CHN2: variants seen among roughly 807,000 people sequenced by gnomAD.
The protein encoded by CHN2 is beta-chimaerin.
A neutral mutation model predicts 56.3 loss-of-function variants in CHN2; 35 were observed. The observed-to-expected ratio is 0.62, with a 90% CI of 0.47 to 0.82. CHN2 has a LOEUF of 0.82. Ranked by LOEUF, CHN2 falls within the 40% of genes least tolerant of loss-of-function variation. The pLI is 0.00. For missense variants in CHN2, 491 were observed against 580.5 expected (o/e 0.85, Z 1.58); for synonymous variants, 210 against 212.8 (o/e 0.99, Z 0.12).
intron 1 of CHN2, among the ~76,000 whole-genome samples, chr7:29,293,689 C>T (rs1214204794): frequency 1.3e-5 from 2 of 152,116 alleles, no homozygotes; most frequent in South Asian, 2.1e-4. Flanking sequence ...CATGGCTCTC[C>T]GTCCCTCTGT....
intron 6 of CHN2, among the ~76,000 whole-genome samples, chr7:29,409,364 A>G (rs1802974547): frequency 6.6e-6 from 1 of 152,258 alleles, no homozygotes; most frequent in African/African-American, 2.4e-5. Context: ...TTCTTTCAAC[A>G]TAATAGTAAT....
intron 1 of CHN2, among the ~76,000 whole-genome samples, chr7:29,274,410 C>T (rs1194800419): frequency 6.6e-6 from 1 of 152,226 alleles, no homozygotes; most frequent in South Asian, 2.1e-4. Flanking sequence ...GTTTCCAGTA[C>T]CCAAGGGCAG....
chr7:29,476,742 G>A (rs535007985), intron 6 of CHN2, among the ~76,000 whole-genome samples: 1 of 151,934 alleles, frequency 6.6e-6, no homozygotes, highest in Non-Finnish European at 1.5e-5. Context: ...ACATACTTAG[G>A]GGGAGGGGCT....
chr7:29,394,181 C>T (rs539023412), intron 4 of CHN2, among the ~76,000 whole-genome samples: 13 of 152,292 alleles, frequency 8.5e-5, no homozygotes, highest in Non-Finnish European at 1.6e-4. Context: ...TCTCTTGGCT[C>T]GGGTGTAGTA....
intron 3 of CHN2, among the ~76,000 whole-genome samples, chr7:29,383,290 C>G (rs1185859154): frequency 1.3e-5 from 2 of 152,030 alleles, no homozygotes; most frequent in Non-Finnish European, 2.9e-5. Flanking sequence ...GGCCTGAGAG[C>G]TCTCGAGCTG....
At chr7:29,445,069 G>T in intron 6 of CHN2, 1 of 453,002 alleles carries the variant, frequency 2.2e-6, no homozygotes, top group South Asian at 1.6e-5. Context: ...TTAGTCTGTT[G>T]GTCCCAGCTG....
intron 7 of CHN2, among the ~76,000 whole-genome samples, chr7:29,489,402 G>T (rs1322554626): frequency 6.6e-6 from 1 of 152,146 alleles, no homozygotes; most frequent in Non-Finnish European, 1.5e-5. Flanking sequence ...TTGCAAATCA[G>T]TGAACTTCAG....
intron 1 of CHN2, among the ~76,000 whole-genome samples, chr7:29,209,565 G>A (rs1784767451): frequency 1.3e-5 from 2 of 152,160 alleles, no homozygotes; most frequent in Non-Finnish European, 2.9e-5. Context: ...AGAGTCTTTA[G>A]CTCTAATGAG....
intron 6 of CHN2, among the ~76,000 whole-genome samples, chr7:29,408,196 A>T (rs577215989): frequency 6.8e-5 from 10 of 146,064 alleles, no homozygotes; most frequent in Admixed American, 1.3e-4. Context: ...TATCAAAAAA[A>T]AAAAATAAAT....
chr7:29,251,960 T>C (rs1305825360), intron 1 of CHN2, among the ~76,000 whole-genome samples: 1 of 152,140 alleles, frequency 6.6e-6, no homozygotes, highest in Non-Finnish European at 1.5e-5. Flanking sequence ...ATCTTACACA[T>C]GCTATATATA....
At chr7:29,244,434 C>T (rs1407877593) in intron 1 of CHN2, among the ~76,000 whole-genome samples, 2 of 152,182 alleles carry the variant, frequency 1.3e-5, no homozygotes, top group Admixed American at 6.5e-5. Flanking sequence ...TCAAAGCAAG[C>T]ATTTTTGTCT....
intron 1 of CHN2, among the ~76,000 whole-genome samples, chr7:29,217,334 A>G (rs1385505173): frequency 6.6e-6 from 1 of 152,226 alleles, no homozygotes; most frequent in Non-Finnish European, 1.5e-5. Flanking sequence ...AACTAAATGC[A>G]TGCAGGACAT....
At chr7:29,494,981 A>AAAAAAAAAAAAAAAATT in intron 7 of CHN2, among the ~76,000 whole-genome samples, 1 of 134,934 alleles carries the variant, frequency 7.4e-6, no homozygotes, top group Non-Finnish European at 1.6e-5. Context: ...AAAAAAAAAA[A>AAAAAAAAAAAAAAAATT]TTGTCTACAT....
At chr7:29,498,541 A>G (rs1789547583) in intron 8 of CHN2, among the ~76,000 whole-genome samples, 5 of 152,226 alleles carry the variant, frequency 3.3e-5, no homozygotes, top group Admixed American at 2.0e-4. Context: ...CTGATTTTAC[A>G]AAAGTTTAGA....
chr7:29,465,364 A>G (rs1190262206), intron 6 of CHN2, among the ~76,000 whole-genome samples: 4 of 152,258 alleles, frequency 2.6e-5, no homozygotes, highest in Admixed American at 2.6e-4. Context: ...CATCATCTGC[A>G]TAATCATGAA....
At chr7:29,298,403 G>T (rs960310136) in intron 1 of CHN2, among the ~76,000 whole-genome samples, 2 of 152,146 alleles carry the variant, frequency 1.3e-5, no homozygotes, top group Non-Finnish European at 2.9e-5. Flanking sequence ...GTTTCGGGGG[G>T]GTTGCATGGA....
chr7:29,322,272 A>T (rs1476429706), intron 1 of CHN2, among the ~76,000 whole-genome samples: 1 of 152,126 alleles, frequency 6.6e-6, no homozygotes, highest in Non-Finnish European at 1.5e-5. Context: ...TCAGTCCTTG[A>T]TTATGGTTGC....
At chr7:29,285,471 T>C (rs545430251) in intron 1 of CHN2, among the ~76,000 whole-genome samples, 1 of 152,334 alleles carries the variant, frequency 6.6e-6, no homozygotes, top group South Asian at 2.1e-4. Context: ...TTTGGTGTGG[T>C]CTGCTTCACA....
At chr7:29,283,922 CTTTTTTTTTTTTTTTTTTT>C (rs70980520) in intron 1 of CHN2, among the ~76,000 whole-genome samples, 1 of 69,956 alleles carries the variant, frequency 1.4e-5, no homozygotes, top group Non-Finnish European at 2.6e-5. Context: ...CAGCCAAGCT[CTTTTTTTTTTTTTTTTTTT>C]TTTTTTTTTT....
Sources: gnomAD v4.1 joint callset for allele counts (sites outside exome capture counted in the v4.1 genomes callset) on GRCh38, gnomAD v4.1.1 for gene constraint, MANE v1.5 for transcripts, NCBI Gene and HGNC (gene_info 2026-07-23, HGNC 2026-07-21) for gene names.